IKBKG: variants seen among roughly 807,000 people sequenced by gnomAD.
IKBKG encodes the protein inhibitor of nuclear factor kappa B kinase regulatory subunit gamma.
A neutral mutation model predicts 13.7 loss-of-function variants in IKBKG; 2 were observed. The observed-to-expected ratio is 0.15, with a 90% CI of 0.06 to 0.46. The LOEUF (loss-of-function observed/expected upper bound fraction) is 0.46, where lower values mean the gene tolerates loss of function less well. Among genes scored for constraint, IKBKG ranks in the 20% least tolerant of loss-of-function variants. The pLI is 0.98. For missense variants in IKBKG, 53 were observed against 150.3 expected, an observed-to-expected ratio of 0.35 and a Z score of 3.39; for synonymous variants, 22 against 64.4, an observed-to-expected ratio of 0.34 and a Z score of 3.15.
upstream of IKBKG, among the ~76,000 whole-genome samples, chrX:154,543,501 G>C (rs1557232459): frequency 8.9e-6 from 1 of 112,059 alleles, no homozygotes; most frequent in Non-Finnish European, 1.9e-5. Flanking sequence ...TCTAATAAGA[G>C]CTGAAGGCCA....
In IKBKG at chrX:154,552,206, G is replaced by A. The variant is rs902721291; in HGVS notation, c.187+17G>A. Reference sequence around the variant, plus strand: ...AGCTCCGAGGTGAGGAAAGAGTCAGGGGATCCAGCCCTGCTGAGGGGAAGG... The same window carrying A: ...AGCTCCGAGGTGAGGAAAGAGTCAGAGGATCCAGCCCTGCTGAGGGGAAGG... On this transcript the variant is annotated intron_variant, in intron 2 of 9. Transcript: ENST00000594239. 2.4e-5 allele frequency: 28 copies of A among 1,172,724 alleles called. No individual in the cohort carries two copies. Among genetic ancestry groups the A allele is most frequent in the Non-Finnish European group, 3.2e-5 (28 of 869,144 alleles).
At position 154,550,242 on chromosome X, in the gene IKBKG, GTGTGTGTGTGTGTGTGTA is replaced by G. The variant is rs1183030404; in HGVS notation, c.-15-1728_-15-1711del. On this transcript the variant is annotated intron_variant, in intron 1 of 9. Coordinates refer to ENST00000594239, the MANE Select transcript of IKBKG (RefSeq NM_001099857.5). The stretch of plus-strand genomic sequence containing the variant: ...ATGGATTAGATGTGCTCTTGTGTGT[GTGTGTGTGTGTGTGTGTA>G]TGTGTGTGTGTGTGTGTGAGAGAGA... 2.1e-4 allele frequency among the ~76,000 whole-genome samples: 22 copies of G among 105,273 alleles called. No homozygotes were observed. In the East Asian group the frequency reaches 5.6e-3, roughly 27 times the overall value. 91.4% of individuals were successfully genotyped at this position (105,273 alleles called of 115,157 possible).
chrX:154,551,555 C>T (rs1557235022), intron 1 of IKBKG, among the ~76,000 whole-genome samples: 6 of 111,860 alleles, frequency 5.4e-5, no homozygotes, highest in African/African-American at 1.9e-4. Flanking sequence ...AGACCCTTTT[C>T]CCGAATCACA....
upstream of IKBKG, chrX:154,547,091 C>A (rs782820705): frequency 6.4e-6 from 1 of 156,487 alleles, no homozygotes; most frequent in East Asian, 1.6e-4. Flanking sequence ...ATCCCCAATT[C>A]CGGCGGGCAC....
At chrX:154,542,239 T>C in intron 1 of IKBKG, 2 of 1,002,638 alleles carry the variant, frequency 2.0e-6, no homozygotes, top group African/African-American at 1.9e-5. Context: ...ATCATTGGGA[T>C]GCGTCCTGAA....
At chrX:154,553,262 G>A (rs923973950) in intron 2 of IKBKG, among the ~76,000 whole-genome samples, 17 of 112,518 alleles carry the variant, frequency 1.5e-4, no homozygotes, top group African/African-American at 4.5e-4. Flanking sequence ...CCTGGGCGAG[G>A]TGGCATGTGC....
exon 1 of IKBKG, chrX:154,541,313 G>A (rs1399654972): frequency 1.8e-5 from 2 of 111,541 alleles, no homozygotes; most frequent in East Asian, 5.6e-4. Context: ...AGATTGAACC[G>A]GCTCACCTTG....
chrX:154,543,933 T>C (rs2070605487), upstream of IKBKG, among the ~76,000 whole-genome samples: 2 of 108,452 alleles, frequency 1.8e-5, no homozygotes, highest in Non-Finnish European at 3.8e-5. Flanking sequence ...AGTGTTGCGA[T>C]TTCTGCTCAC....
chrX:154,546,948 C>G (rs1557233674), upstream of IKBKG: 1 of 407,644 alleles, frequency 2.5e-6, no homozygotes, highest in African/African-American at 2.7e-5. Flanking sequence ...GGGGCCTCGG[C>G]CACCACCCCT....
At chrX:154,553,033 T>G (rs1371084289) in intron 2 of IKBKG, among the ~76,000 whole-genome samples, 5 of 112,465 alleles carry the variant, frequency 4.4e-5, no homozygotes, top group Non-Finnish European at 9.4e-5. Flanking sequence ...CTTCTAAGCC[T>G]CGGGTCCCAG....
chrX:154,554,971 T>G (rs1557235729), intron 2 of IKBKG, among the ~76,000 whole-genome samples: 2 of 111,550 alleles, frequency 1.8e-5, no homozygotes, highest in Non-Finnish European at 3.8e-5. Flanking sequence ...TCACCTCAGA[T>G]GGCTTCTTCA....
intron 1 of IKBKG, among the ~76,000 whole-genome samples, chrX:154,550,395 G>T (rs782287687): frequency 3.7e-4 from 36 of 98,347 alleles, no homozygotes; most frequent in Admixed American, 1.3e-3. Context: ...GGAGGTCTTA[G>T]AGAGGTTCGT....
upstream of IKBKG, among the ~76,000 whole-genome samples, chrX:154,544,141 G>A (rs2070613993): frequency 9.1e-6 from 1 of 109,418 alleles, no homozygotes; most frequent in African/African-American, 3.3e-5. Context: ...GATTACAGAC[G>A]TGAGCCACTG....
At chrX:154,544,562 T>A (rs185162883), upstream of IKBKG, among the ~76,000 whole-genome samples, 1 of 112,697 alleles carries the variant, frequency 8.9e-6, no homozygotes, top group East Asian at 2.8e-4. Flanking sequence ...CCCAAAGTGC[T>A]GGGAATACAG....
At chrX:154,541,941 G>C (rs2070519671) in intron 1 of IKBKG, among the ~76,000 whole-genome samples, 1 of 112,363 alleles carries the variant, frequency 8.9e-6, no homozygotes, top group Non-Finnish European at 1.9e-5. Flanking sequence ...CTGGGGTTAA[G>C]GACCTGCCCA....
chrX:154,549,823 A>G (rs2070878612), intron 1 of IKBKG, among the ~76,000 whole-genome samples: 1 of 112,078 alleles, frequency 8.9e-6, no homozygotes, highest in South Asian at 3.7e-4. Flanking sequence ...TCTTATATAA[A>G]TAGACTCATA....
At chrX:154,546,928 C>A (rs2070747684), upstream of IKBKG, 3 of 583,340 alleles carry the variant, frequency 5.1e-6, no homozygotes, top group Non-Finnish European at 4.6e-6. Flanking sequence ...TCAGGCGAGG[C>A]GTGCGGGGCG....
chrX:154,547,149 C>G, upstream of IKBKG: 1 of 165,682 alleles, frequency 6.0e-6, no homozygotes, highest in Non-Finnish European at 1.0e-5. Context: ...CCGGCCCGGC[C>G]CCGCCCCTAC....
chrX:154,547,179 C>A, upstream of IKBKG: 1 of 253,033 alleles, frequency 4.0e-6, no homozygotes, highest in Non-Finnish European at 5.6e-6. Context: ...TCCCCGCCTG[C>A]CCCGGCGGCC....
Sources: gnomAD v4.1 joint callset for allele counts (sites outside exome capture counted in the v4.1 genomes callset) on GRCh38, gnomAD v4.1.1 for gene constraint, MANE v1.5 for transcripts, NCBI Gene and HGNC (gene_info 2026-07-23, HGNC 2026-07-21) for gene names.